TAF8: variants seen among roughly 807,000 people sequenced by gnomAD.
TAF8 encodes the protein transcription initiation factor TFIID subunit 8.
Under a neutral mutation model 36.5 loss-of-function variants are expected in TAF8, and 47 were observed. That is an observed-to-expected ratio of 1.29 (90% CI 1.02 to 1.64). TAF8 has a LOEUF of 1.64. Ranked by LOEUF, TAF8 falls within the 40% of genes most tolerant of loss-of-function variation. The pLI is 0.00. For missense variants in TAF8, 420 were observed against 407.6 expected (o/e 1.03, Z -0.26); for synonymous variants, 175 against 159.5 (o/e 1.10, Z -0.73).
At chr6:42,061,435 T>C (rs1489254740) in intron 5 of TAF8, among the ~76,000 whole-genome samples, 1 of 152,218 alleles carries the variant, frequency 6.6e-6, no homozygotes, top group Non-Finnish European at 1.5e-5. Flanking sequence ...GAAACCTGCA[T>C]TTATTAGCAC....
chr6:42,068,308 G>A (rs1420827654), intron 6 of TAF8, among the ~76,000 whole-genome samples, 157 bp from the exon 7 acceptor site: 1 of 152,178 alleles, frequency 6.6e-6, no homozygotes, highest in Non-Finnish European at 1.5e-5. Context: ...AGTAAAGCCC[G>A]TAGAACATTG....
intron 2 of TAF8, among the ~76,000 whole-genome samples, chr6:42,055,307 A>G (rs1764937943): frequency 6.6e-6 from 1 of 152,190 alleles, no homozygotes; most frequent in African/African-American, 2.4e-5. Context: ...ATTCCATTGT[A>G]TGTATACAGC....
Position 42,079,044 on chromosome 6 carries a change from C to A in TAF8, c.*1499C>A, listed in dbSNP as rs1765844900. The A allele has an allele frequency of 3.2e-6, 2 of 620,936 alleles. No individual in the cohort carries two copies. Among genetic ancestry groups the A allele is most frequent in the Non-Finnish European group, 4.0e-6 (2 of 497,192 alleles). The allele number at this position is 620,936 out of a possible 1,614,324, so 38.5% of individuals were successfully genotyped here. ...GGCTGAGGCAGGAGAATCACTTGAA[C>A]CTGGGAGGCGGAGGTTGCAGTGAGC... On this transcript the variant is annotated 3_prime_UTR_variant, in exon 9 of 9. Coordinates refer to ENST00000372977, the MANE Select transcript of TAF8 (RefSeq NM_138572.3).
Position 42,072,969 on chromosome 6 carries a change from C to T in TAF8, c.781-4131C>T, listed in dbSNP as rs977773572. ...CGATCTCCCGACCTCGTGATCCGCCCGCCTCAGCCTCCCAAAGTGCTGGGA... is the reference window on the plus strand; with the variant it reads ...CGATCTCCCGACCTCGTGATCCGCCTGCCTCAGCCTCCCAAAGTGCTGGGA... On this transcript the variant is annotated intron_variant, in intron 7 of 8. Coordinates refer to ENST00000372977, the MANE Select transcript of TAF8 (RefSeq NM_138572.3). 4.6e-5 allele frequency among the ~76,000 whole-genome samples: 7 copies of T among 152,032 alleles called. No homozygotes were observed. The East Asian group carries it at 5.8e-4, about 13-fold the overall frequency.
intron 5 of TAF8, among the ~76,000 whole-genome samples, chr6:42,063,991 ACT>A: frequency 6.6e-6 from 1 of 152,324 alleles, no homozygotes; most frequent in East Asian, 1.9e-4. Flanking sequence ...TTATTTTGAT[ACT>A]TTAATGGCTC....
At chr6:42,061,279 A>G (rs1765182441) in intron 5 of TAF8, among the ~76,000 whole-genome samples, 1 of 152,224 alleles carries the variant, frequency 6.6e-6, no homozygotes, top group Non-Finnish European at 1.5e-5. Context: ...AACTATATCA[A>G]CATTATAGAA....
chr6:42,055,960 G>A lies in TAF8; in HGVS notation c.310G>A (p.Val104Met), dbSNP rs957816690. The A allele has an allele frequency of 3.1e-6, 5 of 1,612,298 alleles. No homozygotes were observed. Among genetic ancestry groups the A allele is most frequent in the Non-Finnish European group, 4.2e-6 (5 of 1,178,306 alleles). ...GTTTTCCTGTCTCTTAGGTTTCAAT[G>A]TGGACACTCTCCCTGCTTATGCAAA... ...VVTLVEMGFN[V>M]DTLPAYAKRS... Residue 104 changes from valine to methionine, a missense_variant, in exon 4 of 9, where the codon GTG becomes ATG. Val to Met is a conservative substitution (Grantham distance 21). Transcript: ENST00000372977.
At position 42,078,038 on chromosome 6, in the gene TAF8, G is replaced by A. The variant is rs1273034297; in HGVS notation, c.*493G>A. On this transcript the variant is annotated 3_prime_UTR_variant, in exon 9 of 9. Coordinates refer to ENST00000372977, the MANE Select transcript of TAF8 (RefSeq NM_138572.3). Reference sequence around the variant, plus strand: ...CCCAAAGAGTTGCGATTACAGGTGTGAGCCACCACGCCCAGCTAATTTTTG... The same window carrying A: ...CCCAAAGAGTTGCGATTACAGGTGTAAGCCACCACGCCCAGCTAATTTTTG... 1.4e-5 allele frequency: 3 copies of A among 221,938 alleles called. No homozygotes were observed. The highest frequency in any genetic ancestry group is 2.3e-5 in the Non-Finnish European group (3 of 131,546). The allele number at this position is 221,938 out of a possible 1,614,324, so 13.7% of individuals were successfully genotyped here.
At chr6:42,067,060 G>A (rs1348824864) in intron 6 of TAF8, among the ~76,000 whole-genome samples, 1 of 152,110 alleles carries the variant, frequency 6.6e-6, no homozygotes, top group Non-Finnish European at 1.5e-5. Context: ...CCTCTGAGTT[G>A]GGAACTGATA....
rs1562023050 is a variant in TAF8, at chr6:42,079,108, C to T, written c.*1563C>T. 8.4e-6 allele frequency: 8 copies of T among 946,936 alleles called. No individual in the cohort carries two copies. Among genetic ancestry groups the T allele is most frequent in the Admixed American group, 6.2e-5 (1 of 16,168 alleles). 58.7% of individuals were successfully genotyped at this position (946,936 alleles called of 1,614,324 possible). ...CTGCACTCCAGCCTGGGTGACAGAGCGAGACTCCATTTCAAAAAAATAAAA... is the reference window on the plus strand; with the variant it reads ...CTGCACTCCAGCCTGGGTGACAGAGTGAGACTCCATTTCAAAAAAATAAAA... On this transcript the variant is annotated 3_prime_UTR_variant, in exon 9 of 9. Coordinates refer to ENST00000372977, the MANE Select transcript of TAF8 (RefSeq NM_138572.3).
In TAF8 at chr6:42,081,194, T is replaced by C. The variant is rs374659036; in HGVS notation, c.*3649T>C. ...GAGTGTGTGTGTGTGTGTGTGTGCG[T>C]GTGTGTGCGTGTGAGACAGAGTTTC... On this transcript the variant is annotated 3_prime_UTR_variant, in exon 9 of 9. Coordinates refer to ENST00000372977, the MANE Select transcript of TAF8 (RefSeq NM_138572.3). 10 of 146,172 alleles carry C rather than the reference T, an allele frequency of 6.8e-5. No individual in the cohort carries two copies. The highest frequency in any genetic ancestry group is 4.4e-4 in the South Asian group (2 of 4,550). 9.1% of individuals were successfully genotyped at this position (146,172 alleles called of 1,614,324 possible). A position where few individuals can be genotyped will look rare whatever the true frequency, so the allele number is the denominator to read the frequency against.
At chr6:42,086,357 G>C (rs1766025026), downstream of TAF8, among the ~76,000 whole-genome samples, 1 of 152,220 alleles carries the variant, frequency 6.6e-6, no homozygotes, top group African/African-American at 2.4e-5. Context: ...TTATGATTGA[G>C]GTGAGCTTTT....
At chr6:42,077,035 A>G (rs1026028715) in intron 7 of TAF8, 65 bp from the exon 8 acceptor site, 53 of 1,535,026 alleles carry the variant, frequency 3.5e-5, no homozygotes, top group African/African-American at 9.7e-5. Context: ...GGTCATTCCA[A>G]TTATAGGCAT....
intron 5 of TAF8, among the ~76,000 whole-genome samples, chr6:42,062,527 A>ATTTT (rs1765222915): frequency 8.9e-6 from 1 of 112,594 alleles, no homozygotes; most frequent in South Asian, 2.5e-4. Flanking sequence ...GGTTAAGACA[A>ATTTT]TCTTTTTTTT....
Position 42,077,838 on chromosome 6 carries a change from C to A in TAF8, c.*293C>A. On this transcript the variant is annotated 3_prime_UTR_variant, in exon 9 of 9. Transcript: ENST00000372977. ...TGGTGTGATCTCAGCTCACTGCAGT[C>A]TCAGCAACCCTGGGTCCAAGTGATT... The A allele has an allele frequency of 1.0e-6, 1 of 965,872 alleles. No individual in the cohort carries two copies. The highest frequency in any genetic ancestry group is 1.4e-6 in the Non-Finnish European group (1 of 740,338). The allele number at this position is 965,872 out of a possible 1,614,324, so 59.8% of individuals were successfully genotyped here.
At chr6:42,071,527 T>C (rs1765574247) in intron 7 of TAF8, 1 of 157,836 alleles carries the variant, frequency 6.3e-6, no homozygotes, top group Non-Finnish European at 1.4e-5. Context: ...GGTTTCACCG[T>C]GTTGGTCACG....
intron 5 of TAF8, among the ~76,000 whole-genome samples, chr6:42,064,772 A>G (rs1235293505): frequency 1.3e-5 from 2 of 151,330 alleles, no homozygotes; most frequent in African/African-American, 4.9e-5. Flanking sequence ...CCTGGCAAAC[A>G]CAGTGAAACC....
intron 7 of TAF8, chr6:42,071,307 CATACTTTTTTTTTTTTT>C (rs1765558297): frequency 5.3e-6 from 1 of 187,122 alleles, no homozygotes; most frequent in Non-Finnish European, 1.0e-5. Flanking sequence ...TTTGCCTGGA[CATACTTTTTTTTTTTTT>C]TTTTTTTTTT....
chr6:42,078,963 A>T lies in TAF8; in HGVS notation c.*1418A>T. Reference sequence around the variant, plus strand: ...ATAGTGAAACCCCGTCTCTACTAAAAATACAAAAATTAGCCGGGTGTGGTT... The same window carrying T: ...ATAGTGAAACCCCGTCTCTACTAAATATACAAAAATTAGCCGGGTGTGGTT... On this transcript the variant is annotated 3_prime_UTR_variant, in exon 9 of 9. Coordinates refer to ENST00000372977, the MANE Select transcript of TAF8 (RefSeq NM_138572.3). 2 of 638,926 alleles carry T rather than the reference A, an allele frequency of 3.1e-6. No individual in the cohort carries two copies. Among genetic ancestry groups the T allele is most frequent in the South Asian group, 1.4e-4 (2 of 14,266 alleles). 39.6% of individuals were successfully genotyped at this position (638,926 alleles called of 1,614,324 possible). A position where few individuals can be genotyped will look rare whatever the true frequency, so the allele number is the denominator to read the frequency against.
Sources: gnomAD v4.1 joint callset for allele counts (sites outside exome capture counted in the v4.1 genomes callset) on GRCh38, gnomAD v4.1.1 for gene constraint, MANE v1.5 for transcripts, NCBI Gene and HGNC (gene_info 2026-07-23, HGNC 2026-07-21) for gene names.